Variants in ATRN observed in about 807,000 individuals in gnomAD.
ATRN encodes attractin-2.
ATRN carries 54 observed loss-of-function variants against 178.7 expected under a neutral mutation model. The ratio of observed to expected loss-of-function variants is 0.30; its 90% CI spans 0.24 to 0.38. The LOEUF (loss-of-function observed/expected upper bound fraction) is 0.38. ATRN is among the 10% of genes least tolerant of loss of function. The pLI, the probability that ATRN is intolerant of heterozygous loss-of-function variation, is 1.00. For synonymous variants in ATRN, 636 were observed against 663.0 expected (o/e 0.96, Z 0.63); for missense variants, 1,443 against 1,815.1 (o/e 0.79, Z 3.73).
intron 24 of ATRN, among the ~76,000 whole-genome samples, chr20:3,614,920 C>T: frequency 6.6e-6 from 1 of 152,152 alleles, no homozygotes; most frequent in East Asian, 1.9e-4. Context: ...TCAAGGTTCA[C>T]CCGTGTTTAG....
chr20:3,570,483 T>G (rs1027671249), intron 11 of ATRN, among the ~76,000 whole-genome samples: 1 of 152,158 alleles, frequency 6.6e-6, no homozygotes, highest in Non-Finnish European at 1.5e-5. Flanking sequence ...AGTGATTTCT[T>G]AGTATTGTCC....
chr20:3,592,024 G>A (rs2086452415), intron 19 of ATRN, among the ~76,000 whole-genome samples: 1 of 152,192 alleles, frequency 6.6e-6, no homozygotes, highest in Non-Finnish European at 1.5e-5. Context: ...ATTGCCTGTG[G>A]TCAGGCCTGA....
chr20:3,630,534 C>T (rs2086981714), intron 25 of ATRN, among the ~76,000 whole-genome samples: 1 of 152,156 alleles, frequency 6.6e-6, no homozygotes, highest in South Asian at 2.1e-4. Flanking sequence ...ATTGTAGCTC[C>T]AGTAGACATC....
At chr20:3,490,182 T>C (rs1379777211) in intron 1 of ATRN, 1 of 1,511,118 alleles carries the variant, frequency 6.6e-7, no homozygotes, top group Non-Finnish European at 9.2e-7. Context: ...CTGGGCTTGC[T>C]CTTCTACGGT....
At chr20:3,584,996 C>G (rs1219866143) in intron 18 of ATRN, 116 bp downstream of exon 18, 1 of 981,722 alleles carries the variant, frequency 1.0e-6, no homozygotes, top group Non-Finnish European at 1.5e-6. Flanking sequence ...TTTCCTTCCT[C>G]CTAATGGTTG....
intron 6 of ATRN, among the ~76,000 whole-genome samples, chr20:3,556,445 A>C (rs970256583): frequency 1.1e-4 from 17 of 152,210 alleles, no homozygotes; most frequent in Admixed American, 1.1e-3. Context: ...TAGTCTCCAC[A>C]GAGCCTTTGC....
intron 3 of ATRN, among the ~76,000 whole-genome samples, chr20:3,544,496 TGTGGTGGTGGTG>T (rs891845516): frequency 4.6e-5 from 7 of 151,540 alleles, no homozygotes; most frequent in Non-Finnish European, 8.8e-5. Flanking sequence ...TTTTACCAAA[TGTGGTGGTGGTG>T]GTGGTGGTGG....
In ATRN at chr20:3,601,697, CAAA is replaced by C. The variant is rs11475145; in HGVS notation, c.3643+691_3643+693del. 4.3e-3 allele frequency among the ~76,000 whole-genome samples: 368 copies of C among 84,830 alleles called. 2 individuals carry two copies. The highest frequency in any genetic ancestry group is 0.015 in the African/African-American group (331 of 21,712). 55.7% of individuals were successfully genotyped at this position (84,830 alleles called of 152,430 possible). The stretch of plus-strand genomic sequence containing the variant: ...GGGCAACATAGTGAGACCCTGTCTA[CAAA>C]AAAAAAAAAAAAAAAAACCCAGGTG... On this transcript the variant is annotated intron_variant, in intron 23 of 28. Transcript: ENST00000262919.
At chr20:3,601,372 A>G (rs752863353) in intron 23 of ATRN, among the ~76,000 whole-genome samples, 7 of 152,136 alleles carry the variant, frequency 4.6e-5, no homozygotes, top group Admixed American at 2.0e-4. Context: ...CACTACCATC[A>G]TTGTCTACAT....
intron 27 of ATRN, among the ~76,000 whole-genome samples, chr20:3,641,156 T>C (rs1281267565): frequency 1.3e-5 from 2 of 152,218 alleles, no homozygotes; most frequent in Admixed American, 6.5e-5. Context: ...GTTTGAGTTT[T>C]ACAAGATGAA....
In ATRN at chr20:3,562,282, A is replaced by T; in HGVS notation, c.1454A>T (p.Asn485Ile). 6.2e-7 allele frequency: 1 copy of T among 1,611,626 alleles called. No homozygotes were observed. Among genetic ancestry groups the T allele is most frequent in the African/African-American group, 1.3e-5 (1 of 74,964 alleles). The change falls in exon 9 of 29, where the codon AAC becomes ATC. Residue 485 changes from asparagine (N) to isoleucine (I), a missense_variant. By Grantham distance (149) the Asn-to-Ile change is moderately radical. Transcript: ENST00000262919. ...AACTGTCTTTCCTTTCCAGATAAGA[A>T]CACATGGAGTATATTACACACCCAG... ...SNVQEYDLDK[N>I]TWSILHTQGA...
intron 1 of ATRN, among the ~76,000 whole-genome samples, chr20:3,502,175 G>A (rs1051483622): frequency 7.9e-5 from 12 of 151,830 alleles, no homozygotes; most frequent in African/African-American, 2.9e-4. Context: ...ACTTAGTCTG[G>A]AATTCAATTA....
intron 6 of ATRN, among the ~76,000 whole-genome samples, chr20:3,558,903 G>T (rs905999307): frequency 6.6e-6 from 1 of 151,938 alleles, no homozygotes; most frequent in Non-Finnish European, 1.5e-5. Flanking sequence ...CTTTATATTC[G>T]TAGTACAAGT....
At chr20:3,613,630 G>A (rs890613602) in intron 24 of ATRN, among the ~76,000 whole-genome samples, 1 of 152,160 alleles carries the variant, frequency 6.6e-6, no homozygotes, top group Admixed American at 6.5e-5. Context: ...TTAAATTTCA[G>A]TATGGCTTTC....
chr20:3,530,844 AAG>A (rs1470765586), intron 1 of ATRN, among the ~76,000 whole-genome samples: 19 of 152,172 alleles, frequency 1.2e-4, no homozygotes, highest in Admixed American at 6.5e-5. Context: ...GTAAAGTAGA[AAG>A]AAATAACTAT....
chr20:3,617,678 C>T (rs1002636279), intron 24 of ATRN, among the ~76,000 whole-genome samples: 3 of 151,912 alleles, frequency 2.0e-5, no homozygotes, highest in Non-Finnish European at 4.4e-5. Context: ...AAAAATTACA[C>T]AATGAAAAGA....
At chr20:3,604,514 T>A (rs117402883) in intron 24 of ATRN, among the ~76,000 whole-genome samples, 1 of 152,352 alleles carries the variant, frequency 6.6e-6, no homozygotes, top group East Asian at 1.9e-4. Context: ...GATTTGGTCA[T>A]TATAAACGTA....
rs1186054041 is a variant in ATRN at position 3,572,773 on chromosome 20, C to G, written c.1914C>G (p.Ser638Arg). ...GTGGTTTCAATAGTCTCCTCCTCAG[C>G]GACATCCTGGTATTCACCTCGGAAC... ...VFGGFNSLLL[S>R]DILVFTSEQC... Residue 638 changes from serine (S) to arginine (R), a missense_variant, in exon 12 of 29, where the codon AGC becomes AGG. Transcript: ENST00000262919. 4.3e-6 allele frequency: 7 copies of G among 1,613,816 alleles called. No individual in the cohort carries two copies. Among genetic ancestry groups the G allele is most frequent in the Non-Finnish European group, 4.2e-6 (5 of 1,180,022 alleles).
chr20:3,479,745 C>A, intron 1 of ATRN, among the ~76,000 whole-genome samples: 1 of 152,300 alleles, frequency 6.6e-6, no homozygotes, highest in South Asian at 2.1e-4. Flanking sequence ...AGGATCTGTT[C>A]CATGCCTTTC....
Sources: allele counts gnomAD v4.1 joint callset (sites outside exome capture counted in the v4.1 genomes callset), GRCh38; gene constraint gnomAD v4.1.1; transcripts MANE v1.5; gene names NCBI Gene and HGNC (gene_info 2026-07-23, HGNC 2026-07-21).